Variants in NAV2 observed in about 807,000 individuals in gnomAD.
NAV2 encodes helicase, APC down-regulated 1.
NAV2 carries 54 observed loss-of-function variants against 223.2 expected under a neutral mutation model. The ratio of observed to expected loss-of-function variants is 0.24; its 90% CI spans 0.19 to 0.30. The LOEUF is 0.30. Ranked by LOEUF, NAV2 falls within the 10% of genes least tolerant of loss-of-function variation. The pLI, the probability that NAV2 is intolerant of heterozygous loss-of-function variation, is 1.00. For synonymous variants in NAV2, 1,279 were observed against 1,239.3 expected (o/e 1.03, Z -0.67); for missense variants, 2,806 against 3,147.5 (o/e 0.89, Z 2.60).
chr11:19,665,400 T>C (rs2048384537), intron 1 of NAV2, among the ~76,000 whole-genome samples: 1 of 152,186 alleles, frequency 6.6e-6, no homozygotes, highest in Non-Finnish European at 1.5e-5. Flanking sequence ...AGGGGGCGGT[T>C]GCCTGACATC....
chr11:19,583,204 T>C (rs1488019575), intron 1 of NAV2, among the ~76,000 whole-genome samples: 1 of 152,232 alleles, frequency 6.6e-6, no homozygotes, highest in Non-Finnish European at 1.5e-5. Flanking sequence ...ATAAGAATGC[T>C]TGTGATTTTT....
At chr11:19,977,524 C>A (rs1344815861) in intron 10 of NAV2, among the ~76,000 whole-genome samples, 1 of 152,198 alleles carries the variant, frequency 6.6e-6, no homozygotes, top group East Asian at 1.9e-4. Flanking sequence ...TGCAACATGT[C>A]TCTGAACTTG....
chr11:19,387,622 G>A lies in NAV2; in HGVS notation c.75+36595G>A, dbSNP rs868854342. Among the ~76,000 whole-genome samples the A allele has an allele frequency of 2.7e-4, 41 of 152,238 alleles. No homozygotes were observed. In the Middle Eastern group the frequency reaches 0.017, roughly 63 times the overall value. The stretch of plus-strand genomic sequence containing the variant: ...GGGTATTGAGTGAGGTTGCCAGGTC[G>A]CAGGCAGCACTGGGGACTTGACCCA... On this transcript the variant is annotated intron_variant, in intron 1 of 37. Coordinates refer to the NAV2 transcript ENST00000360655.
chr11:19,691,990 G>A (rs2049188397), intron 1 of NAV2, among the ~76,000 whole-genome samples: 1 of 152,230 alleles, frequency 6.6e-6, no homozygotes, highest in Non-Finnish European at 1.5e-5. Flanking sequence ...GTCTGGCCAG[G>A]TGGTTTGAAG....
intron 1 of NAV2, among the ~76,000 whole-genome samples, chr11:19,705,353 A>G (rs1269447882): frequency 4.6e-5 from 7 of 152,060 alleles, no homozygotes. Context: ...TCCCTATTTG[A>G]CCTCTTTGCC....
chr11:19,935,032 G>A (rs1364068849), intron 7 of NAV2, among the ~76,000 whole-genome samples: 1 of 152,166 alleles, frequency 6.6e-6, no homozygotes, highest in East Asian at 1.9e-4. Flanking sequence ...TCATTGCTCA[G>A]GCTACACCAC....
chr11:20,110,507 G>C (rs1267397461), intron 36 of NAV2, among the ~76,000 whole-genome samples: 3 of 152,126 alleles, frequency 2.0e-5, no homozygotes, highest in Admixed American at 2.0e-4. Context: ...GGAAACTGAG[G>C]CTCACGGACG....
At chr11:19,517,750 G>A (rs2043503556) in intron 1 of NAV2, among the ~76,000 whole-genome samples, 1 of 152,216 alleles carries the variant, frequency 6.6e-6, no homozygotes, top group Admixed American at 6.5e-5. Flanking sequence ...CCACCCTGGT[G>A]TCCCCTAAGA....
chr11:19,841,319 A>G (rs186879612), intron 2 of NAV2, among the ~76,000 whole-genome samples: 102 of 152,354 alleles, frequency 6.7e-4, no homozygotes, highest in African/African-American at 2.4e-3. Flanking sequence ...AGAAACAGAG[A>G]AAAAATGAAT....
intron 1 of NAV2, among the ~76,000 whole-genome samples, chr11:19,585,563 G>T (rs1007305213): frequency 3.9e-5 from 6 of 152,104 alleles, no homozygotes; most frequent in Non-Finnish European, 5.9e-5. Flanking sequence ...AGCTCTTTTA[G>T]GGCAGGCCTG....
intron 3 of NAV2, among the ~76,000 whole-genome samples, chr11:19,864,054 G>T (rs1181246368): frequency 5.3e-5 from 8 of 152,152 alleles, no homozygotes; most frequent in African/African-American, 1.9e-4. Flanking sequence ...GAACTTGCAG[G>T]TTCTCACTTA....
chr11:19,384,366 G>A (rs1564894297), intron 1 of NAV2, among the ~76,000 whole-genome samples: 1 of 152,160 alleles, frequency 6.6e-6, no homozygotes, highest in Non-Finnish European at 1.5e-5. Flanking sequence ...TTTTGGCCTT[G>A]CCTGCATTAG....
chr11:19,466,739 T>G (rs996072010), intron 1 of NAV2, among the ~76,000 whole-genome samples: 31 of 151,728 alleles, frequency 2.0e-4, no homozygotes, highest in African/African-American at 7.3e-4. Flanking sequence ...GCGGCAAGGG[T>G]GGTGTGCAGG....
intron 36 of NAV2, among the ~76,000 whole-genome samples, chr11:20,110,654 G>C (rs2153718543): frequency 6.6e-6 from 1 of 152,284 alleles, no homozygotes; most frequent in East Asian, 1.9e-4. Context: ...AGAAGCCACA[G>C]GTGGCTTGGG....
At chr11:20,025,229 TTATGGG>T (rs2054929622) in intron 11 of NAV2, among the ~76,000 whole-genome samples, 1 of 152,194 alleles carries the variant, frequency 6.6e-6, no homozygotes, top group Non-Finnish European at 1.5e-5. Context: ...GGAGAGGTGT[TTATGGG>T]ATGGTGCTTA....
chr11:19,374,206 A>T (rs2133877825), intron 1 of NAV2, among the ~76,000 whole-genome samples: 1 of 152,064 alleles, frequency 6.6e-6, no homozygotes, highest in East Asian at 1.9e-4. Context: ...TTCACTATGT[A>T]TCAATGAACT....
intron 1 of NAV2, among the ~76,000 whole-genome samples, chr11:19,596,019 G>A (rs1565085268): frequency 1.3e-5 from 2 of 149,898 alleles, no homozygotes; most frequent in Non-Finnish European, 3.0e-5. Flanking sequence ...GAAATTTTCT[G>A]TTTTTTTTAT....
intron 1 of NAV2, among the ~76,000 whole-genome samples, chr11:19,555,335 C>G (rs957612501): frequency 2.0e-5 from 3 of 152,218 alleles, no homozygotes; most frequent in Non-Finnish European, 4.4e-5. Context: ...TCTGTGCACT[C>G]CCACATGAAT....
chr11:19,388,705 C>T (rs1378655404), intron 1 of NAV2, among the ~76,000 whole-genome samples: 1 of 152,064 alleles, frequency 6.6e-6, no homozygotes, highest in African/African-American at 2.4e-5. Flanking sequence ...GTACGCTGGG[C>T]AAGATAATAT....
Sources: gnomAD v4.1 joint callset for allele counts (sites outside exome capture counted in the v4.1 genomes callset) on GRCh38, gnomAD v4.1.1 for gene constraint, MANE v1.5 for transcripts, NCBI Gene and HGNC (gene_info 2026-07-23, HGNC 2026-07-21) for gene names.